The following IQSEC1 variants were observed in gnomAD, a reference collection of about 807,000 sequenced individuals.
IQSEC1 encodes IQ motif and SEC7 domain-containing protein 1.
IQSEC1 carries 31 observed loss-of-function variants against 91.0 expected under a neutral mutation model. That is an observed-to-expected ratio of 0.34 (90% CI 0.26 to 0.46). The LOEUF is 0.46. Ranked by LOEUF, IQSEC1 falls within the 20% of genes least tolerant of loss-of-function variation. The pLI is 1.00. For missense variants in IQSEC1, 1,388 were observed against 1,575.6 expected (o/e 0.88, Z 2.02); for synonymous variants, 699 against 662.6 (o/e 1.05, Z -0.84).
At chr3:13,239,396 G>A (rs576274525) in intron 1 of IQSEC1, among the ~76,000 whole-genome samples, 148 of 152,358 alleles carry the variant, frequency 9.7e-4, no homozygotes, top group African/African-American at 3.3e-3. Flanking sequence ...GCACACCGCC[G>A]GGCGTGGTCC....
At chr3:13,072,057 T>C (rs1488422502) in intron 1 of IQSEC1, among the ~76,000 whole-genome samples, 1 of 152,204 alleles carries the variant, frequency 6.6e-6, no homozygotes, top group Non-Finnish European at 1.5e-5. Context: ...CCCAGAAGGC[T>C]CCCCACATAC....
intron 1 of IQSEC1, among the ~76,000 whole-genome samples, chr3:12,989,576 C>T (rs1028274495): frequency 6.6e-6 from 1 of 152,118 alleles, no homozygotes; most frequent in Non-Finnish European, 1.5e-5. Flanking sequence ...CTTCAAGCAC[C>T]CCTAGGATCA....
chr3:13,258,803 G>A (rs538068040), intron 1 of IQSEC1, among the ~76,000 whole-genome samples: 9 of 152,300 alleles, frequency 5.9e-5, no homozygotes, highest in East Asian at 1.9e-4. Flanking sequence ...CTCACGCTGC[G>A]AATCGCACCC....
chr3:13,216,922 G>C (rs1694561334), intron 1 of IQSEC1, among the ~76,000 whole-genome samples: 1 of 152,158 alleles, frequency 6.6e-6, no homozygotes, highest in Non-Finnish European at 1.5e-5. Flanking sequence ...AGAGTTAATG[G>C]CATAGGACAC....
chr3:13,035,552 C>T (rs1704004525), intron 1 of IQSEC1, among the ~76,000 whole-genome samples: 1 of 152,220 alleles, frequency 6.6e-6, no homozygotes, highest in Non-Finnish European at 1.5e-5. Flanking sequence ...TTGAATGCCA[C>T]TGGGTCCCAA....
intron 1 of IQSEC1, among the ~76,000 whole-genome samples, chr3:13,056,911 T>C (rs1704900114): frequency 6.6e-6 from 1 of 152,152 alleles, no homozygotes; most frequent in Admixed American, 6.5e-5. Context: ...CTCCTAAATG[T>C]TCCATATCCA....
Position 12,936,377 on chromosome 3 carries a change from G to A in IQSEC1, c.639C>T (p.Ala213=). 6.3e-7 allele frequency: 1 copy of A among 1,598,662 alleles called. No homozygotes were observed. Among genetic ancestry groups the A allele is most frequent in the Non-Finnish European group, 8.5e-7 (1 of 1,170,146 alleles). Residue 213 remains alanine (A), a synonymous_variant, in exon 3 of 14, where the codon GCC becomes GCT. Transcript: ENST00000613206. ...TGGCGTCCGCAAAGTCACTGGAGGG[G>A]GCCGGAGACTTGAGGGTGGTGGGCT... is the stretch of plus-strand genomic sequence containing the variant. ...LSEPTTLKSP[A]PSSDFADAIT...
At chr3:13,065,516 A>G (rs575646361) in intron 1 of IQSEC1, among the ~76,000 whole-genome samples, 29 of 152,320 alleles carry the variant, frequency 1.9e-4, no homozygotes, top group Admixed American at 1.6e-3. Context: ...CAAGAGGGGG[A>G]AATTTAAAAA....
At chr3:13,059,461 C>G (rs1215661825) in intron 1 of IQSEC1, among the ~76,000 whole-genome samples, 1 of 152,234 alleles carries the variant, frequency 6.6e-6, no homozygotes, top group Non-Finnish European at 1.5e-5. Flanking sequence ...GGGGTGCCCT[C>G]TGGGTGATGT....
intron 1 of IQSEC1, among the ~76,000 whole-genome samples, chr3:13,237,648 A>C (rs1474132167): frequency 6.6e-6 from 1 of 152,252 alleles, no homozygotes; most frequent in Non-Finnish European, 1.5e-5. Context: ...ACAGGAAAGC[A>C]CAGGACTTCC....
chr3:13,134,611 T>C (rs751321605), intron 2 of IQSEC1, among the ~76,000 whole-genome samples: 2 of 152,210 alleles, frequency 1.3e-5, no homozygotes, highest in Non-Finnish European at 2.9e-5. Context: ...ATGCGGGTGA[T>C]GATGTTTGTC....
intron 8 of IQSEC1, 62 bp downstream of exon 8, chr3:12,915,042 T>C: frequency 6.5e-7 from 1 of 1,544,700 alleles, no homozygotes; most frequent in Non-Finnish European, 8.8e-7. Context: ...GCGGACTGGC[T>C]GATGCTGGGC....
chr3:12,930,697 G>T (rs138357976), intron 3 of IQSEC1, among the ~76,000 whole-genome samples: 1 of 152,192 alleles, frequency 6.6e-6, no homozygotes, highest in Non-Finnish European at 1.5e-5. Context: ...TTTCAGGTCC[G>T]TGAACCAGTA....
intron 2 of IQSEC1, among the ~76,000 whole-genome samples, chr3:13,120,058 C>T (rs973407794): frequency 1.3e-5 from 2 of 152,190 alleles, no homozygotes; most frequent in African/African-American, 4.8e-5. Context: ...AGACATGTTC[C>T]TTAGAAGGCA....
chr3:13,051,468 G>A (rs1704687986), intron 1 of IQSEC1, among the ~76,000 whole-genome samples: 1 of 152,172 alleles, frequency 6.6e-6, no homozygotes. Flanking sequence ...GACTGTGACT[G>A]GCAGGGGCAG....
intron 1 of IQSEC1, among the ~76,000 whole-genome samples, chr3:12,980,692 C>G (rs532445986): frequency 2.6e-5 from 4 of 152,254 alleles, no homozygotes; most frequent in African/African-American, 7.2e-5. Context: ...TGGGACCTTG[C>G]CTGTGTTCCT....
chr3:12,903,346 G>T (rs142420655), intron 12 of IQSEC1, among the ~76,000 whole-genome samples: 204 of 151,954 alleles, frequency 1.3e-3, no homozygotes, highest in African/African-American at 4.7e-3. Context: ...GGGTGAAGAG[G>T]AAACAACTTC....
chr3:13,194,293 C>T (rs1251272225), intron 1 of IQSEC1, among the ~76,000 whole-genome samples: 1 of 152,154 alleles, frequency 6.6e-6, no homozygotes, highest in Non-Finnish European at 1.5e-5. Context: ...GGGGTGCTCA[C>T]TCCGCAGCTG....
At chr3:13,195,765 A>G (rs898476837) in intron 1 of IQSEC1, among the ~76,000 whole-genome samples, 1 of 152,186 alleles carries the variant, frequency 6.6e-6, no homozygotes, top group African/African-American at 2.4e-5. Flanking sequence ...CTGCATCTTG[A>G]CGGTGGTGGT....
Sources: gnomAD v4.1 joint callset for allele counts (sites outside exome capture counted in the v4.1 genomes callset) on GRCh38, gnomAD v4.1.1 for gene constraint, MANE v1.5 for transcripts, NCBI Gene and HGNC (gene_info 2026-07-23, HGNC 2026-07-21) for gene names.